The following SCML1 variants were observed in gnomAD, a reference collection of about 807,000 sequenced individuals.
SCML1 encodes the protein sex comb on midleg-like protein 1.
For missense variants in SCML1, 137 were observed against 258.1 expected (o/e 0.53, Z 3.22); for synonymous variants, 104 against 103.6 (o/e 1.00, Z -0.02).
rs1452777227 is a variant in SCML1, at chrX:17,750,420, G to T, written c.703+127G>T. On this transcript the variant is annotated intron_variant, in intron 6 of 7. Coordinates refer to ENST00000380041, the MANE Select transcript of SCML1 (RefSeq NM_001037540.3). ...CCTTCTGGTTTGGTGAGTTTGAAATGCCATATTTACAAGTAGCACTATTTG... is the reference window on the plus strand; with the variant it reads ...CCTTCTGGTTTGGTGAGTTTGAAATTCCATATTTACAAGTAGCACTATTTG... 7.3e-6 allele frequency: 5 copies of T among 689,171 alleles called. No individual in the cohort carries two copies. The African/African-American group carries it at 1.1e-4, about 15-fold the overall frequency. 56.8% of individuals were successfully genotyped at this position (689,171 alleles called of 1,213,427 possible). A position where few individuals can be genotyped will look rare whatever the true frequency, so the allele number is the denominator to read the frequency against.
At chrX:17,746,419 T>C (rs2066642402) in intron 4 of SCML1, among the ~76,000 whole-genome samples, 1 of 111,896 alleles carries the variant, frequency 8.9e-6, no homozygotes, top group Non-Finnish European at 1.9e-5. Context: ...TGGATGAAAT[T>C]TAGTATGTGC....
chrX:17,750,049 C>T lies in SCML1; in HGVS notation c.459C>T (p.Asn153=). The T allele has an allele frequency of 8.3e-7, 1 of 1,211,960 alleles. No individual in the cohort carries two copies. Among genetic ancestry groups the T allele is most frequent in the Non-Finnish European group, 1.1e-6 (1 of 895,528 alleles). The change falls in exon 6 of 8, where the codon AAC becomes AAT. Residue 153 remains asparagine (N), a synonymous_variant. Coordinates refer to ENST00000380041, the MANE Select transcript of SCML1 (RefSeq NM_001037540.3). ...GGCGTGAGAATAATTCCCCGAGCAA[C>T]CTTCCAAGGCCATCCTTTTGCATGG... is the stretch of plus-strand genomic sequence containing the variant. ...VSRRENNSPS[N]LPRPSFCMEE...
chrX:17,753,906 T>C lies in SCML1; in HGVS notation c.*514T>C, dbSNP rs1447692930. Reference sequence around the variant, plus strand: ...AGAAAGAGAATAGCCATATAAATTATTTTCCTTTCTGCTATTATTTCTCTA... The same window carrying C: ...AGAAAGAGAATAGCCATATAAATTACTTTCCTTTCTGCTATTATTTCTCTA... On this transcript the variant is annotated 3_prime_UTR_variant, in exon 8 of 8. Coordinates refer to ENST00000380041, the MANE Select transcript of SCML1 (RefSeq NM_001037540.3). 1 of 112,128 alleles carries C rather than the reference T, an allele frequency of 8.9e-6. No homozygotes were observed. Among genetic ancestry groups the C allele is most frequent in the East Asian group, 2.8e-4 (1 of 3,619 alleles). 9.2% of individuals were successfully genotyped at this position (112,128 alleles called of 1,213,427 possible).
At chrX:17,738,528 G>A (rs1658890106) in intron 1 of SCML1, among the ~76,000 whole-genome samples, 1 of 112,096 alleles carries the variant, frequency 8.9e-6, no homozygotes, top group Admixed American at 9.4e-5. Context: ...CGGTTCTGGC[G>A]GCAAAGGAAG....
intron 1 of SCML1, among the ~76,000 whole-genome samples, chrX:17,740,700 G>A (rs2066587357): frequency 8.9e-6 from 1 of 112,160 alleles, no homozygotes; most frequent in South Asian, 3.7e-4. Flanking sequence ...GTAGTTCAGG[G>A]AAAGCCGTGT....
At chrX:17,741,386 G>A (rs2066593625) in intron 1 of SCML1, among the ~76,000 whole-genome samples, 1 of 111,539 alleles carries the variant, frequency 9.0e-6, no homozygotes, top group Admixed American at 9.4e-5. Flanking sequence ...CCCAGGGGTT[G>A]GGGACCCCTG....
chrX:17,741,315 G>A (rs767847945), intron 1 of SCML1, among the ~76,000 whole-genome samples: 6 of 111,894 alleles, frequency 5.4e-5, no homozygotes, highest in Non-Finnish European at 1.1e-4. Flanking sequence ...GAGCTCAGGC[G>A]ATAATCCTTG....
At chrX:17,745,661 A>C in intron 3 of SCML1, 122 bp downstream of exon 3, 1 of 431,826 alleles carries the variant, frequency 2.3e-6, no homozygotes, top group Non-Finnish European at 4.0e-6. Flanking sequence ...TCTCCCCTGA[A>C]TTTGTATGCT....
chrX:17,751,770 C>T (rs761954177), intron 6 of SCML1, 45 bp from the exon 7 acceptor site: 6 of 1,167,899 alleles, frequency 5.1e-6, no homozygotes, highest in East Asian at 3.0e-5. Flanking sequence ...ATGATCAGGT[C>T]GAGTGTGATT....
intron 2 of SCML1, chrX:17,744,503 G>T: frequency 9.0e-6 from 2 of 221,142 alleles, no homozygotes; most frequent in South Asian, 1.7e-4. Flanking sequence ...TTTTCAAAGT[G>T]GTTGTGCTGT....
chrX:17,740,593 C>T (rs1052400495), intron 1 of SCML1, among the ~76,000 whole-genome samples: 2 of 111,812 alleles, frequency 1.8e-5, no homozygotes, highest in African/African-American at 3.3e-5. Flanking sequence ...GGTATTCTGA[C>T]CACAAGCCTA....
chrX:17,738,039 G>A (rs1251046098), intron 1 of SCML1: 2 of 112,566 alleles, frequency 1.8e-5, no homozygotes, highest in Admixed American at 9.3e-5. Context: ...TTAAAGAATT[G>A]ACAAACTCCC....
At position 17,749,489 on chromosome X, in the gene SCML1, C is replaced by G; in HGVS notation, c.288C>G (p.Ser96=). The G allele has an allele frequency of 1.7e-6, 2 of 1,157,455 alleles. No homozygotes were observed. Among genetic ancestry groups the G allele is most frequent in the Non-Finnish European group, 2.3e-6 (2 of 852,651 alleles). The change falls in exon 5 of 8, where the codon TCC becomes TCG. Residue 96 remains serine (S), a synonymous_variant. Transcript: ENST00000380041. ...VSKIQRFHAR[S]LWTNHKRYGY... The stretch of plus-strand genomic sequence containing the variant: ...AAATCCAACGTTTCCATGCGAGATC[C>G]CTGTGGACAAATCATGTAAGTGTTA...
chrX:17,739,080 G>A (rs764222279), intron 1 of SCML1, among the ~76,000 whole-genome samples: 1 of 111,897 alleles, frequency 8.9e-6, no homozygotes, highest in Non-Finnish European at 1.9e-5. Context: ...AATTAATTTC[G>A]CACAATCTAG....
chrX:17,749,089 G>A (rs1396088055), intron 4 of SCML1, among the ~76,000 whole-genome samples: 1 of 112,160 alleles, frequency 8.9e-6, no homozygotes, highest in Non-Finnish European at 1.9e-5. Flanking sequence ...CTTCCTTGAT[G>A]TGCAGTGTCT....
At chrX:17,748,859 G>A (rs1042193726) in intron 4 of SCML1, among the ~76,000 whole-genome samples, 2 of 112,113 alleles carry the variant, frequency 1.8e-5, no homozygotes, top group East Asian at 5.6e-4. Context: ...TGTACTTAAC[G>A]GTTTTGTAAG....
intron 2 of SCML1, 66 bp downstream of exon 2, chrX:17,744,285 A>G (rs1180794254): frequency 1.2e-5 from 11 of 936,194 alleles, no homozygotes; most frequent in Admixed American, 2.4e-5. Context: ...CTCTAAATTT[A>G]GTTTAATTTT....
At chrX:17,743,066 A>C (rs1359299294) in intron 1 of SCML1, among the ~76,000 whole-genome samples, 7 of 112,290 alleles carry the variant, frequency 6.2e-5, no homozygotes, top group Non-Finnish European at 1.1e-4. Flanking sequence ...TAGCCTGTAT[A>C]AGTTTTATGG....
At chrX:17,741,759 G>A in intron 1 of SCML1, among the ~76,000 whole-genome samples, 1 of 110,950 alleles carries the variant, frequency 9.0e-6, no homozygotes, top group East Asian at 2.8e-4. Context: ...TGAGGAAGGG[G>A]CTTTCCTGGC....
Sources: gnomAD v4.1 joint callset for allele counts (sites outside exome capture counted in the v4.1 genomes callset) on GRCh38, gnomAD v4.1.1 for gene constraint, MANE v1.5 for transcripts, NCBI Gene and HGNC (gene_info 2026-07-23, HGNC 2026-07-21) for gene names.